The following TIMM44 variants were observed in gnomAD, a reference collection of about 807,000 sequenced individuals.
The protein encoded by TIMM44 is mitochondrial import inner membrane translocase subunit TIM44.
A neutral mutation model predicts 63.8 loss-of-function variants in TIMM44; 37 were observed. The ratio of observed to expected loss-of-function variants is 0.58; its 90% CI spans 0.45 to 0.76. The LOEUF is 0.76. TIMM44 is among the 30% of genes least tolerant of loss of function. TIMM44 has a pLI of 0.00. For synonymous variants in TIMM44, 239 were observed against 245.1 expected, an observed-to-expected ratio of 0.98 and a Z score of 0.23; for missense variants, 573 against 603.8, an observed-to-expected ratio of 0.95 and a Z score of 0.54.
chr19:7,937,649 G>A (rs1599650833), intron 3 of TIMM44: 1 of 319,422 alleles, frequency 3.1e-6, no homozygotes, highest in East Asian at 8.7e-5. Context: ...CAACCGTCCA[G>A]CCCTGAGCTC....
At position 7,934,989 on chromosome 19, in the gene TIMM44, C is replaced by T. The variant is rs9677009; in HGVS notation, c.393+76G>A. On this transcript the variant is annotated intron_variant, in intron 4 of 12. Transcript: ENST00000270538. The surrounding 1 kb of genome is among the most constrained non-coding windows in gnomAD (Gnocchi z 5.3). The stretch of plus-strand genomic sequence containing the variant: ...TGCCAAGCCACCCCCACCCAGGAGC[C>T]GACTCTTCCTCCAGCCTCCAGCGGC... 0.19 allele frequency: 266,353 copies of T among 1,400,186 alleles called. 28,576 individuals carry two copies. Among genetic ancestry groups the T allele is most frequent in the Non-Finnish European group, 0.22 (223,877 of 1,006,752 alleles). 86.7% of individuals were successfully genotyped at this position (1,400,186 alleles called of 1,614,324 possible). A position where few individuals can be genotyped will look rare whatever the true frequency, so the allele number is the denominator to read the frequency against.
chr19:7,928,110 G>C lies in TIMM44; in HGVS notation c.1095C>G (p.Phe365Leu), dbSNP rs1983869486. 6.2e-7 allele frequency: 1 copy of C among 1,614,094 alleles called. No individual in the cohort carries two copies. Among genetic ancestry groups the C allele is most frequent in the Non-Finnish European group, 8.5e-7 (1 of 1,179,988 alleles). ...IQQAKALGLQ[F>L]HSRILDIDNV... ...TGTCAATGTCTAGGATGCGAGAATG[G>C]AACTGGAGACCCAGTGCCTTGGCCT... is the stretch of plus-strand genomic sequence containing the variant. Residue 365 changes from phenylalanine to leucine, a missense_variant, in exon 11 of 13, where the codon TTC becomes TTG. Phe to Leu is a conservative substitution (Grantham distance 22, BLOSUM62 0). Transcript: ENST00000270538.
At chr19:7,929,929 G>C (rs112501578) in intron 10 of TIMM44, among the ~76,000 whole-genome samples, 1 of 150,456 alleles carries the variant, frequency 6.6e-6, no homozygotes, top group Non-Finnish European at 1.5e-5. Flanking sequence ...GCTCACTGCA[G>C]CCTCCGCCTC....
chr19:7,927,945 C>CCTTGGACAAGCCCAAGACCT, intron 11 of TIMM44, 132 bp downstream of exon 11: 1 of 1,128,922 alleles, frequency 8.9e-7, no homozygotes, highest in Non-Finnish European at 1.3e-6. Flanking sequence ...GAGACCCTCC[C>CCTTGGACAAGCCCAAGACCT]CTTGGACAAG....
Position 7,933,445 on chromosome 19 carries a change from C to A in TIMM44, c.769+40G>T, listed in dbSNP as rs574292936. 6.3e-7 allele frequency: 1 copy of A among 1,585,442 alleles called. No individual in the cohort carries two copies. Among genetic ancestry groups the A allele is most frequent in the African/African-American group, 1.3e-5 (1 of 74,458 alleles). On this transcript the variant is annotated intron_variant, in intron 7 of 12. Coordinates refer to ENST00000270538, the MANE Select transcript of TIMM44 (RefSeq NM_006351.4). This position sits in a 1 kb window ranked among gnomAD's most constrained non-coding sequence, Gnocchi z 4.3. Reference sequence around the variant, plus strand: ...ATCACCTTGCGGTCCACCAACTGCCCGGGACACAGTCACCTGCCCTCCAAG... The same window carrying A: ...ATCACCTTGCGGTCCACCAACTGCCAGGGACACAGTCACCTGCCCTCCAAG...
Position 7,943,457 on chromosome 19 carries a change from C to T in TIMM44, c.45+150G>A, listed in dbSNP as rs1287976326. On this transcript the variant is annotated intron_variant, in intron 1 of 12. Transcript: ENST00000270538. The surrounding 1 kb of genome is among the most constrained non-coding windows in gnomAD (Gnocchi z 4.3). ...CAGGCCACGCTCTGTGCCCCCTGTC[C>T]TGGCCTCTGCTACCCAAAGATCTAA... 3 of 965,664 alleles carry T rather than the reference C, an allele frequency of 3.1e-6. No homozygotes were observed. Among genetic ancestry groups the T allele is most frequent in the Non-Finnish European group, 3.1e-6 (2 of 637,920 alleles). The allele number at this position is 965,664 out of a possible 1,614,324, so 59.8% of individuals were successfully genotyped here. A position where few individuals can be genotyped will look rare whatever the true frequency, so the allele number is the denominator to read the frequency against.
At position 7,926,958 on chromosome 19, in the gene TIMM44, G is replaced by A. The variant is rs764104157; in HGVS notation, c.*229C>T. 23 of 575,944 alleles carry A rather than the reference G, an allele frequency of 4.0e-5. No individual in the cohort carries two copies. Among genetic ancestry groups the A allele is most frequent in the Middle Eastern group, 4.8e-4 (1 of 2,066 alleles). The allele number at this position is 575,944 out of a possible 1,614,324, so 35.7% of individuals were successfully genotyped here. A position where few individuals can be genotyped will look rare whatever the true frequency, so the allele number is the denominator to read the frequency against. ...GACCAGGCGCCGGGACCCCTGCAGG[G>A]CAGAGCAACAGGGCAGGGGTTGGCC... On this transcript the variant is annotated 3_prime_UTR_variant, in exon 13 of 13. Transcript: ENST00000270538.
In TIMM44 at chr19:7,938,085, C is replaced by T. The variant is rs756816618; in HGVS notation, c.254G>A (p.Arg85His). Reference protein sequence around the residue: ...KEMKESIKKFRDEARRLEESD... With the variant: ...KEMKESIKKFHDEARRLEESD... The stretch of plus-strand genomic sequence containing the variant: ...TTCTTCTAGCCTTCTGGCCTCGTCA[C>T]GGAATTTTTTTATACTTTCTTTCAT... The change falls in exon 3 of 13, where the codon CGT becomes CAT. Residue 85 changes from arginine (R) to histidine (H), a missense_variant. Transcript: ENST00000270538. The T allele has an allele frequency of 3.7e-6, 6 of 1,614,040 alleles. No individual in the cohort carries two copies. Among genetic ancestry groups the T allele is most frequent in the East Asian group, 2.2e-5 (1 of 44,876 alleles).
chr19:7,929,777 G>GT (rs1246642350), intron 10 of TIMM44, among the ~76,000 whole-genome samples: 1 of 152,014 alleles, frequency 6.6e-6, no homozygotes. Flanking sequence ...CCTGAAATAG[G>GT]GCAGTCGGCC....
At chr19:7,931,004 G>C in intron 10 of TIMM44, 134 bp downstream of exon 10, 2 of 748,818 alleles carry the variant, frequency 2.7e-6, no homozygotes, top group South Asian at 3.2e-5. Flanking sequence ...AGGGTGAGAC[G>C]TGAGGATTCC....
chr19:7,934,007 C>CGAGGGA lies in TIMM44; in HGVS notation c.544-10_544-5dup. 1 of 1,613,920 alleles carries CGAGGGA rather than the reference C, an allele frequency of 6.2e-7. No homozygotes were observed. Among genetic ancestry groups the CGAGGGA allele is most frequent in the Middle Eastern group, 1.6e-4 (1 of 6,062 alleles). On this transcript the variant is annotated splice_region_variant and splice_polypyrimidine_tract_variant and intron_variant, in intron 5 of 12. Coordinates refer to ENST00000270538, the MANE Select transcript of TIMM44 (RefSeq NM_006351.4). This position sits in a 1 kb window ranked among gnomAD's most constrained non-coding sequence, Gnocchi z 5.3. ...CCTTCTTCACGGACTCCACCCCCTGCGAGGGAGGCACAGCGGGGCTGGGGT... is the reference window on the plus strand; with the variant it reads ...CCTTCTTCACGGACTCCACCCCCTGCGAGGGAGAGGGAGGCACAGCGGGGCTGGGGT...
chr19:7,931,454 C>T, intron 9 of TIMM44: 2 of 496,844 alleles, frequency 4.0e-6, no homozygotes. Context: ...GGGGGACCCC[C>T]CTGGAACCTG....
intron 2 of TIMM44, 58 bp downstream of exon 2, chr19:7,941,044 G>T: frequency 1.4e-6 from 2 of 1,398,728 alleles, no homozygotes; most frequent in Non-Finnish European, 2.0e-6. Context: ...CTGCCAATGG[G>T]ATCTGAATTT....
Position 7,934,001 on chromosome 19 carries a change from C to T in TIMM44, c.546G>A (p.Gly182=). The T allele has an allele frequency of 6.2e-7, 1 of 1,614,054 alleles. No individual in the cohort carries two copies. The highest frequency in any genetic ancestry group is 8.5e-7 in the Non-Finnish European group (1 of 1,180,030). The part of the protein sequence containing the change: ...RTAAFRALSQ[G]VESVKKEIDD... ...CAATTTCCTTCTTCACGGACTCCACCCCCTGCGAGGGAGGCACAGCGGGGC... is the reference window on the plus strand; with the variant it reads ...CAATTTCCTTCTTCACGGACTCCACTCCCTGCGAGGGAGGCACAGCGGGGC... The change falls in exon 6 of 13, where the codon GGG becomes GGA. Residue 182 remains glycine, a splice_region_variant and synonymous_variant. Transcript: ENST00000270538. This position sits in a 1 kb window ranked among gnomAD's most constrained non-coding sequence, Gnocchi z 5.3.
intron 9 of TIMM44, chr19:7,931,553 G>A (rs569808955): frequency 9.0e-6 from 3 of 333,938 alleles, no homozygotes; most frequent in South Asian, 8.0e-5. Context: ...TCCGGCTCCC[G>A]CAGTGAGCCC....
rs1983853235 is a variant in TIMM44 at position 7,927,688 on chromosome 19, T to C, written c.1208A>G (p.Asn403Ser). 6.2e-7 allele frequency: 1 copy of C among 1,613,482 alleles called. No individual in the cohort carries two copies. The highest frequency in any genetic ancestry group is 8.5e-7 in the Non-Finnish European group (1 of 1,179,996). ...ACCCTCCACCACCTCGCCTTTGGGG[T>C]TCCTGACCACCATCACCAGCTGTGC... ...FQAQLVMVVR[N>S]PKGEVVEGDP... is the part of the protein sequence containing the mutation. The change falls in exon 12 of 13, where the codon AAC becomes AGC. Residue 403 changes from asparagine to serine, a missense_variant. By Grantham distance (46) the Asn-to-Ser change is conservative. Transcript: ENST00000270538.
chr19:7,942,630 GCCTAC>G (rs1568299497), intron 1 of TIMM44, among the ~76,000 whole-genome samples: 12 of 151,108 alleles, frequency 7.9e-5, no homozygotes, highest in African/African-American at 2.7e-4. Context: ...TTACACAGGT[GCCTAC>G]TATCTCCTGT....
At chr19:7,928,190 T>C in intron 10 of TIMM44, 24 bp from the exon 11 acceptor site, 1 of 1,602,426 alleles carries the variant, frequency 6.2e-7, no homozygotes, top group Non-Finnish European at 8.5e-7. Flanking sequence ...CCGACACGCC[T>C]GCGTGATGCC....
chr19:7,929,060 G>C (rs978942860), intron 10 of TIMM44: 2 of 152,110 alleles, frequency 1.3e-5, no homozygotes, highest in South Asian at 4.1e-4. Context: ...TATGAGCTGG[G>C]TGCAGAATAG....
Sources: gnomAD v4.1 joint callset for allele counts (sites outside exome capture counted in the v4.1 genomes callset) on GRCh38, gnomAD v4.1.1 for gene constraint, Gnocchi (gnomAD v3.1) non-coding constraint, MANE v1.5 for transcripts, NCBI Gene and HGNC (gene_info 2026-07-23, HGNC 2026-07-21) for gene names.